The following KCNIP4 variants were observed in gnomAD, a reference collection of about 807,000 sequenced individuals.
KCNIP4 encodes the protein Kv channel-interacting protein 4.
In KCNIP4, 12 loss-of-function variants were observed where a neutral mutation model predicts 34.0. The ratio of observed to expected loss-of-function variants is 0.35; its 90% CI spans 0.23 to 0.57. The LOEUF (loss-of-function observed/expected upper bound fraction) is 0.57. Ranked by LOEUF, KCNIP4 falls within the 20% of genes least tolerant of loss-of-function variation. KCNIP4 has a pLI of 0.83. For synonymous variants in KCNIP4, 124 were observed against 102.2 expected (o/e 1.21, Z -1.29); for missense variants, 238 against 311.7 (o/e 0.76, Z 1.78).
chr4:21,916,685 A>T (rs1236862492), intron 1 of KCNIP4, among the ~76,000 whole-genome samples: 14 of 152,236 alleles, frequency 9.2e-5, no homozygotes, highest in Admixed American at 9.2e-4. Context: ...GTTGGAAATC[A>T]AAGTGAATGC....
intron 1 of KCNIP4, among the ~76,000 whole-genome samples, chr4:21,138,762 G>T (rs1268859684): frequency 1.3e-5 from 2 of 152,074 alleles, no homozygotes; most frequent in African/African-American, 4.8e-5. Flanking sequence ...AGAGAGAGGT[G>T]GGAGGCTGAG....
intron 1 of KCNIP4, among the ~76,000 whole-genome samples, chr4:21,876,912 G>A (rs1252116373): frequency 6.6e-6 from 1 of 151,858 alleles, no homozygotes; most frequent in Non-Finnish European, 1.5e-5. Flanking sequence ...CAGGCCATGT[G>A]CAAGCCAGTC....
chr4:20,815,045 A>G (rs1159484215), intron 3 of KCNIP4, among the ~76,000 whole-genome samples: 1 of 152,174 alleles, frequency 6.6e-6, no homozygotes, highest in Non-Finnish European at 1.5e-5. Context: ...CAAAGCAATA[A>G]GCTTTAATGA....
intron 1 of KCNIP4, among the ~76,000 whole-genome samples, chr4:21,430,433 C>A (rs1726335952): frequency 6.6e-6 from 1 of 151,668 alleles, no homozygotes; most frequent in Non-Finnish European, 1.5e-5. Context: ...TGGGGTCATG[C>A]AATTACCTTT....
intron 1 of KCNIP4, among the ~76,000 whole-genome samples, chr4:21,551,764 AGAATTT>A (rs1338292015): frequency 6.6e-6 from 1 of 152,066 alleles, no homozygotes; most frequent in African/African-American, 2.4e-5. Context: ...TTCCTACCTT[AGAATTT>A]TTGTTCCCCT....
chr4:21,379,382 C>A (rs1431778005), intron 1 of KCNIP4, among the ~76,000 whole-genome samples: 1 of 152,162 alleles, frequency 6.6e-6, no homozygotes, highest in East Asian at 1.9e-4. Flanking sequence ...GACCTTAAAT[C>A]TATTCTCAAA....
chr4:21,213,600 C>A (rs753843766), intron 1 of KCNIP4, among the ~76,000 whole-genome samples: 1 of 152,072 alleles, frequency 6.6e-6, no homozygotes, highest in African/African-American at 2.4e-5. Context: ...CCATGCACGG[C>A]CGAAAGCACT....
At chr4:21,784,432 C>A (rs1217651419) in intron 1 of KCNIP4, among the ~76,000 whole-genome samples, 1 of 142,778 alleles carries the variant, frequency 7.0e-6, no homozygotes. Context: ...GAAAAAAAAA[C>A]ATTTTTTGAT....
chr4:21,456,845 C>G (rs1728992966), intron 1 of KCNIP4, among the ~76,000 whole-genome samples: 1 of 152,126 alleles, frequency 6.6e-6, no homozygotes, highest in South Asian at 2.1e-4. Context: ...TTAGGGTGCT[C>G]TGCATGAATT....
At chr4:21,687,283 A>C (rs1245778066) in intron 1 of KCNIP4, among the ~76,000 whole-genome samples, 1 of 150,768 alleles carries the variant, frequency 6.6e-6, no homozygotes, top group Non-Finnish European at 1.5e-5. Flanking sequence ...ACTAACCTGC[A>C]CAATGTGCAC....
chr4:20,836,049 C>T (rs1236520573), intron 3 of KCNIP4, among the ~76,000 whole-genome samples: 1 of 152,296 alleles, frequency 6.6e-6, no homozygotes, highest in East Asian at 1.9e-4. Flanking sequence ...TCCTCCATGA[C>T]CAAATCCATT....
In KCNIP4 at chr4:21,219,785, G is replaced by T. The variant is rs1378634486; in HGVS notation, c.62-337076C>A. ...CTTTGAAACATATAAGCACTAAGGGGAAAACTTTAGTTTTAAAATTAGAGA... is the reference window on the plus strand; with the variant it reads ...CTTTGAAACATATAAGCACTAAGGGTAAAACTTTAGTTTTAAAATTAGAGA... On this transcript the variant is annotated intron_variant, in intron 1 of 8. Transcript: ENST00000382152. Among the ~76,000 whole-genome samples, 3 of 151,834 alleles carry T rather than the reference G, an allele frequency of 2.0e-5. No homozygotes were observed. In the East Asian group the frequency reaches 5.8e-4, roughly 29 times the overall value.
chr4:21,626,930 C>A (rs556816248), intron 1 of KCNIP4, among the ~76,000 whole-genome samples: 1 of 152,160 alleles, frequency 6.6e-6, no homozygotes, highest in Admixed American at 6.6e-5. Flanking sequence ...GTCTGGCTTA[C>A]AATCTATGTT....
At chr4:20,821,968 G>A (rs1324765606) in intron 3 of KCNIP4, among the ~76,000 whole-genome samples, 3 of 151,954 alleles carry the variant, frequency 2.0e-5, no homozygotes, top group African/African-American at 7.3e-5. Context: ...ACTGCAAATT[G>A]TGCTGCTATA....
intron 1 of KCNIP4, among the ~76,000 whole-genome samples, chr4:21,099,449 C>A (rs542981298): frequency 5.9e-5 from 9 of 152,118 alleles, no homozygotes; most frequent in Middle Eastern, 3.4e-3. Flanking sequence ...ACAACACACA[C>A]TGGGGCTTGT....
intron 1 of KCNIP4, among the ~76,000 whole-genome samples, chr4:21,466,392 C>T (rs1367274992): frequency 2.4e-4 from 37 of 152,198 alleles, no homozygotes; most frequent in Non-Finnish European, 1.5e-5. Flanking sequence ...TGATCATTAA[C>T]TTCATTCTGA....
chr4:20,996,940 G>T (rs529284781), intron 1 of KCNIP4, among the ~76,000 whole-genome samples: 1 of 152,258 alleles, frequency 6.6e-6, no homozygotes, highest in South Asian at 2.1e-4. Context: ...GATGGCATAA[G>T]ACAGGGTTCT....
rs891531419 is a variant in KCNIP4, at chr4:21,374,053, A to G, written c.62-491344T>C. Reference sequence around the variant, plus strand: ...GAAGCAACATTAGCACTATGTTAGTAAAATGCCACCACAAATACTTTGCAG... The same window carrying G: ...GAAGCAACATTAGCACTATGTTAGTGAAATGCCACCACAAATACTTTGCAG... On this transcript the variant is annotated intron_variant, in intron 1 of 8. Coordinates refer to ENST00000382152, the MANE Select transcript of KCNIP4 (RefSeq NM_025221.6). Among the ~76,000 whole-genome samples, 4 of 147,590 alleles carry G rather than the reference A, an allele frequency of 2.7e-5. No individual in the cohort carries two copies. The Middle Eastern group carries it at 0.014, about 502-fold the overall frequency.
chr4:20,769,404 C>T (rs539704661), intron 3 of KCNIP4, among the ~76,000 whole-genome samples: 15 of 152,126 alleles, frequency 9.9e-5, no homozygotes, highest in South Asian at 8.3e-4. Context: ...GTTTGATTTA[C>T]GGAGACTTTT....
Sources: allele counts gnomAD v4.1 joint callset (sites outside exome capture counted in the v4.1 genomes callset), GRCh38; gene constraint gnomAD v4.1.1; transcripts MANE v1.5; gene names NCBI Gene and HGNC (gene_info 2026-07-23, HGNC 2026-07-21).